Variants in MID2 observed in about 807,000 individuals in gnomAD.
MID2 encodes the protein midline 2, also known as probable E3 ubiquitin-protein ligase MID2.
MID2 carries 13 observed loss-of-function variants against 46.1 expected under a neutral mutation model. The observed-to-expected ratio is 0.28, with a 90% CI of 0.18 to 0.45. MID2 has a LOEUF of 0.45. Among genes scored for constraint, MID2 ranks in the 20% least tolerant of loss-of-function variants. The pLI is 1.00. For synonymous variants in MID2, 199 were observed against 212.3 expected, an observed-to-expected ratio of 0.94 and a Z score of 0.55; for missense variants, 431 against 575.4, an observed-to-expected ratio of 0.75 and a Z score of 2.57.
rs917653067 is a variant in MID2, at chrX:107,928,357, A to G, written c.*1284A>G. 1.8e-5 allele frequency among the ~76,000 whole-genome samples: 2 copies of G among 111,416 alleles called. No individual in the cohort carries two copies. The highest frequency in any genetic ancestry group is 5.6e-4 in the East Asian group (2 of 3,549). On this transcript the variant is annotated 3_prime_UTR_variant, in exon 10 of 10. Coordinates refer to ENST00000262843, the MANE Select transcript of MID2 (RefSeq NM_012216.4). The stretch of plus-strand genomic sequence containing the variant: ...CGCAAATGGAGACAAACTTCATCCC[A>G]GTCCTAACCAGTATAGTTGAAGGGA...
At chrX:107,910,145 A>T (rs770811291) in intron 5 of MID2, among the ~76,000 whole-genome samples, 2 of 111,747 alleles carry the variant, frequency 1.8e-5, no homozygotes, top group Non-Finnish European at 3.8e-5. Context: ...TTTGTCCAAC[A>T]ACTCCCCATT....
chrX:107,888,202 C>T (rs1276320173), intron 3 of MID2, among the ~76,000 whole-genome samples: 3 of 111,123 alleles, frequency 2.7e-5, no homozygotes, highest in Non-Finnish European at 5.7e-5. Flanking sequence ...CTCTAGTTCT[C>T]TTAATTGTGA....
In MID2 at chrX:107,927,190, ATAAC is replaced by A. The variant is rs1933197591; in HGVS notation, c.*120_*123del. The A allele has an allele frequency of 3.5e-6, 2 of 578,133 alleles. No individual in the cohort carries two copies. Among genetic ancestry groups the A allele is most frequent in the East Asian group, 7.2e-5 (2 of 27,704 alleles). The allele number at this position is 578,133 out of a possible 1,213,427, so 47.6% of individuals were successfully genotyped here. A position where few individuals can be genotyped will look rare whatever the true frequency, so the allele number is the denominator to read the frequency against. On this transcript the variant is annotated 3_prime_UTR_variant, in exon 10 of 10. Coordinates refer to ENST00000262843, the MANE Select transcript of MID2 (RefSeq NM_012216.4). ...ATAAAGTTTGTTTGAAGCATCCAAAATAACTAGATATTGCAGATTTAATTTTTGT... is the reference window on the plus strand; with the variant it reads ...ATAAAGTTTGTTTGAAGCATCCAAAATAGATATTGCAGATTTAATTTTTGT...
intron 1 of MID2, among the ~76,000 whole-genome samples, chrX:107,832,577 T>C (rs772681834): frequency 5.4e-5 from 6 of 111,597 alleles, no homozygotes; most frequent in Non-Finnish European, 7.5e-5. Flanking sequence ...ATCTGATAGA[T>C]GAAAAAGCTG....
At chrX:107,838,417 T>C (rs768842705) in intron 1 of MID2, among the ~76,000 whole-genome samples, 30 of 112,277 alleles carry the variant, frequency 2.7e-4, no homozygotes, top group Non-Finnish European at 4.7e-4. Flanking sequence ...ATAGATGTTA[T>C]AAGCTACAAA....
intron 3 of MID2, among the ~76,000 whole-genome samples, chrX:107,884,708 A>G (rs1932408193): frequency 1.8e-5 from 2 of 112,291 alleles, no homozygotes; most frequent in African/African-American, 6.5e-5. Flanking sequence ...ACAAAACAAA[A>G]ACAGGGCAGA....
At chrX:107,877,219 A>G (rs1932220608) in intron 3 of MID2, among the ~76,000 whole-genome samples, 1 of 112,251 alleles carries the variant, frequency 8.9e-6, no homozygotes, top group Non-Finnish European at 1.9e-5. Context: ...GTTTACAGAA[A>G]AGGTCCAACT....
At chrX:107,892,974 C>T (rs936029859) in intron 3 of MID2, among the ~76,000 whole-genome samples, 1 of 112,623 alleles carries the variant, frequency 8.9e-6, no homozygotes, top group East Asian at 2.8e-4. Flanking sequence ...TTATCTATCT[C>T]GTGTATTGCT....
At chrX:107,923,753 A>G (rs780829863) in intron 7 of MID2, among the ~76,000 whole-genome samples, 15 of 111,771 alleles carry the variant, frequency 1.3e-4, no homozygotes, top group Admixed American at 1.3e-3. Flanking sequence ...CACCCCATGA[A>G]CTGTGATGTA....
intron 1 of MID2, among the ~76,000 whole-genome samples, 170 bp downstream of exon 1, chrX:107,826,600 G>A (rs941537028): frequency 5.3e-5 from 6 of 112,380 alleles, no homozygotes; most frequent in Admixed American, 1.8e-4. Flanking sequence ...AAACGGCGAC[G>A]GGGGCCCCAG....
At chrX:107,839,107 A>G (rs1325839158) in intron 1 of MID2, among the ~76,000 whole-genome samples, 1 of 110,309 alleles carries the variant, frequency 9.1e-6, no homozygotes, top group Non-Finnish European at 1.9e-5. Flanking sequence ...ACAGAGGGAC[A>G]CCTTGTTAAA....
chrX:107,903,816 TCTC>T (rs1280230743), intron 3 of MID2, 139 bp from the exon 4 acceptor site: 1 of 456,545 alleles, frequency 2.2e-6, no homozygotes, highest in Admixed American at 3.3e-5. Flanking sequence ...AATATCATCA[TCTC>T]TACCCTTCTT....
intron 5 of MID2, among the ~76,000 whole-genome samples, chrX:107,915,421 G>A (rs1389635710): frequency 1.8e-5 from 2 of 109,475 alleles, no homozygotes; most frequent in African/African-American, 6.8e-5. Context: ...GCTGGGTGTG[G>A]TGGCGGGCCA....
intron 3 of MID2, among the ~76,000 whole-genome samples, chrX:107,879,011 A>G (rs1932263488): frequency 9.0e-6 from 1 of 110,955 alleles, no homozygotes; most frequent in African/African-American, 3.3e-5. Flanking sequence ...CCATCACAGG[A>G]CGGGGAGTGC....
At chrX:107,885,583 C>T (rs1043747974) in intron 3 of MID2, among the ~76,000 whole-genome samples, 1 of 111,143 alleles carries the variant, frequency 9.0e-6, no homozygotes, top group Admixed American at 9.6e-5. Flanking sequence ...AATAAACATA[C>T]GTGTGCTCGT....
intron 3 of MID2, among the ~76,000 whole-genome samples, chrX:107,884,416 TTG>T (rs1272467144): frequency 8.9e-6 from 1 of 112,265 alleles, no homozygotes; most frequent in African/African-American, 3.2e-5. Flanking sequence ...TCATAACCAC[TTG>T]TGAGGTAGGT....
intron 3 of MID2, among the ~76,000 whole-genome samples, chrX:107,855,637 T>C (rs1256206942): frequency 8.9e-6 from 1 of 112,393 alleles, no homozygotes; most frequent in Non-Finnish European, 1.9e-5. Flanking sequence ...TATTAAGATC[T>C]CATCTCTTAA....
chrX:107,910,228 A>G (rs894181877), intron 5 of MID2, among the ~76,000 whole-genome samples: 1 of 111,193 alleles, frequency 9.0e-6, no homozygotes, highest in Non-Finnish European at 1.9e-5. Flanking sequence ...TTCAGATTCC[A>G]CCTATGTGCG....
At position 107,917,733 on chromosome X, in the gene MID2, C is replaced by T; in HGVS notation, c.1429C>T (p.Pro477Ser). 1 of 1,209,460 alleles carries T rather than the reference C, an allele frequency of 8.3e-7. No homozygotes were observed. The highest frequency in any genetic ancestry group is 3.0e-5 in the East Asian group (1 of 33,845). ...AVSCSRLAGA[P>S]RGLYNSVDSW... ...AAGCTGCTCAAGATTGGCCGGGGCG[C>T]CACGAGGCAAGTGTTTGTAAGACAT... is the stretch of plus-strand genomic sequence containing the variant. The change falls in exon 7 of 10, where the codon CCA becomes TCA. Residue 477 changes from proline to serine, a missense_variant. Coordinates refer to ENST00000262843, the MANE Select transcript of MID2 (RefSeq NM_012216.4).
Sources: gnomAD v4.1 joint callset for allele counts (sites outside exome capture counted in the v4.1 genomes callset) on GRCh38, gnomAD v4.1.1 for gene constraint, MANE v1.5 for transcripts, NCBI Gene and HGNC (gene_info 2026-07-23, HGNC 2026-07-21) for gene names.